DNMT3L: variants seen among roughly 807,000 people sequenced by gnomAD.
DNMT3L encodes DNA (cytosine-5)-methyltransferase 3-like.
In DNMT3L, 33 loss-of-function variants were observed where a neutral mutation model predicts 36.2. The observed-to-expected ratio is 0.91, with a 90% CI of 0.69 to 1.22. The LOEUF (loss-of-function observed/expected upper bound fraction) is 1.22. DNMT3L is among the 50% of genes most tolerant of loss of function. The probability of loss-of-function intolerance (pLI) is 0.00; values close to 1 mark genes in which losing one functional copy is unlikely to be tolerated. For missense variants in DNMT3L, 310 were observed against 303.1 expected (o/e 1.02, Z -0.17); for synonymous variants, 117 against 121.7 (o/e 0.96, Z 0.26).
At position 44,261,144 on chromosome 21, in the gene DNMT3L, G is replaced by A. The variant is rs2040314064; in HGVS notation, c.106+10C>T. The A allele has an allele frequency of 1.2e-6, 2 of 1,612,390 alleles. No individual in the cohort carries two copies. The highest frequency in any genetic ancestry group is 1.7e-6 in the Non-Finnish European group (2 of 1,179,704). On this transcript the variant is annotated intron_variant, in intron 2 of 11. Transcript: ENST00000628202. ...TAAGTGACTGGTCCAATAAGCAGAT[G>A]AGCCCTCACCTCTGCCTGTCCCGGG...
At chr21:44,259,754 T>C in intron 3 of DNMT3L, 43 bp from the exon 4 acceptor site, 2 of 1,571,752 alleles carry the variant, frequency 1.3e-6, no homozygotes. Flanking sequence ...CCCAGTGCTG[T>C]CAAATACAGC....
rs2040286512 is a variant in DNMT3L, at chr21:44,258,671, T to C, written c.368A>G (p.Asp123Gly). 1 of 1,612,854 alleles carries C rather than the reference T, an allele frequency of 6.2e-7. No homozygotes were observed. Among genetic ancestry groups the C allele is most frequent in the Non-Finnish European group, 8.5e-7 (1 of 1,179,932 alleles). Residue 123 changes from aspartate (D) to glycine (G), a missense_variant, in exon 6 of 12, where the codon GAT (aspartate) becomes GGT (glycine). Physicochemically the swap from Asp to Gly is moderately conservative, Grantham distance 94. Coordinates refer to ENST00000628202, the MANE Select transcript of DNMT3L (RefSeq NM_175867.3). The surrounding 1 kb of genome is among the most constrained non-coding windows in gnomAD (Gnocchi z 6.2). Reference sequence around the variant, plus strand: ...CGAGGTCCCGGGGCCGACCAGGCTATCCACACACTCGAAGCAGTAGCATCT... The same window carrying C: ...CGAGGTCCCGGGGCCGACCAGGCTACCCACACACTCGAAGCAGTAGCATCT... ...CTRCYCFECV[D>G]SLVGPGTSGK... is the part of the protein sequence containing the mutation.
At position 44,260,790 on chromosome 21, in the gene DNMT3L, C is replaced by T. The variant is rs753815562; in HGVS notation, c.151+5G>A. On this transcript the variant is annotated splice_donor_5th_base_variant and intron_variant, in intron 3 of 11. Transcript: ENST00000628202. ...TCTGGTGTGGGCCAGTATGCAAACACTCACCTTCTATATTTCGCTGGTTAG... is the reference window on the plus strand; with the variant it reads ...TCTGGTGTGGGCCAGTATGCAAACATTCACCTTCTATATTTCGCTGGTTAG... 2.5e-6 allele frequency: 4 copies of T among 1,613,246 alleles called. No homozygotes were observed. The highest frequency in any genetic ancestry group is 1.7e-5 in the Admixed American group (1 of 60,020).
At chr21:44,253,724 C>G (rs902574245) in intron 8 of DNMT3L, among the ~76,000 whole-genome samples, 2 of 151,800 alleles carry the variant, frequency 1.3e-5, no homozygotes, top group African/African-American at 4.8e-5. Context: ...ATCTCAAAAA[C>G]AAAAAACAAA....
chr21:44,256,625 A>G (rs551213197), intron 6 of DNMT3L, among the ~76,000 whole-genome samples: 4 of 151,928 alleles, frequency 2.6e-5, no homozygotes, highest in Non-Finnish European at 5.9e-5. Flanking sequence ...GTTTCACCAT[A>G]TTGGCCAGGC....
At chr21:44,260,969 C>T in intron 2 of DNMT3L, 130 bp from the exon 3 acceptor site, 2 of 1,451,736 alleles carry the variant, frequency 1.4e-6, no homozygotes, top group Non-Finnish European at 1.9e-6. Flanking sequence ...CCATCCCGCC[C>T]TCACACCTTA....
In DNMT3L at chr21:44,256,162, T is replaced by A; in HGVS notation, c.517-8A>T. 6.2e-7 allele frequency: 1 copy of A among 1,613,718 alleles called. No homozygotes were observed. The highest frequency in any genetic ancestry group is 1.7e-5 in the Admixed American group (1 of 60,010). The stretch of plus-strand genomic sequence containing the variant: ...CATCTCAAGGGGATTCTCCTATTTA[T>A]TAAAAAACCAAAACAGGACATTGTG... On this transcript the variant is annotated splice_polypyrimidine_tract_variant and splice_region_variant and intron_variant, in intron 6 of 11. Transcript: ENST00000628202.
At chr21:44,256,505 CT>C (rs1252716896) in intron 6 of DNMT3L, among the ~76,000 whole-genome samples, 2 of 147,492 alleles carry the variant, frequency 1.4e-5, no homozygotes, top group Non-Finnish European at 1.5e-5. Context: ...CTCACTGCAA[CT>C]TTCCGCCTCC....
chr21:44,254,833 G>A (rs2040245047), intron 7 of DNMT3L, 128 bp from the exon 8 acceptor site: 2 of 939,374 alleles, frequency 2.1e-6, no homozygotes. Flanking sequence ...TATTTTTGTT[G>A]TTGTTGTTTT....
rs1283642518 is a variant in DNMT3L, at chr21:44,258,937, C to T, written c.345-243G>A. On this transcript the variant is annotated intron_variant, in intron 5 of 11. Coordinates refer to ENST00000628202, the MANE Select transcript of DNMT3L (RefSeq NM_175867.3). The surrounding 1 kb of genome is among the most constrained non-coding windows in gnomAD (Gnocchi z 6.2). ...CACAGGCAATGACAGATCCAAGGAA[C>T]CCCCTAAGCCACCTGTCTGCCCCCA... 5.3e-5 allele frequency among the ~76,000 whole-genome samples: 8 copies of T among 152,096 alleles called. No homozygotes were observed. The highest frequency in any genetic ancestry group is 1.9e-4 in the African/African-American group (8 of 41,404).
At chr21:44,254,758 T>C (rs2040244391) in intron 7 of DNMT3L, 53 bp from the exon 8 acceptor site, 1 of 1,585,788 alleles carries the variant, frequency 6.3e-7, no homozygotes, top group Non-Finnish European at 8.6e-7. Context: ...ATTGTGCCCC[T>C]ACAGGGACTC....
Position 44,258,424 on chromosome 21 carries a change from G to A in DNMT3L, c.516+99C>T. On this transcript the variant is annotated intron_variant, in intron 6 of 11. Transcript: ENST00000628202. This position sits in a 1 kb window ranked among gnomAD's most constrained non-coding sequence, Gnocchi z 6.2. Reference sequence around the variant, plus strand: ...GTTTGCTCCCGAGGCTGCAGCCGTGGTGCCCGTCGGCGCGCCTGCATTCTG... The same window carrying A: ...GTTTGCTCCCGAGGCTGCAGCCGTGATGCCCGTCGGCGCGCCTGCATTCTG... 2 of 1,427,292 alleles carry A rather than the reference G, an allele frequency of 1.4e-6. No individual in the cohort carries two copies. The highest frequency in any genetic ancestry group is 2.9e-5 in the South Asian group (2 of 68,010). The allele number at this position is 1,427,292 out of a possible 1,614,324, so 88.4% of individuals were successfully genotyped here.
Position 44,254,642 on chromosome 21 carries a change from TC to T in DNMT3L, c.667del (p.Asp223MetfsTer6). Reference sequence around the variant, plus strand: ...ATCCTTCCTCACTGTGTCTGTGACATCAACCACATGCTTCAGTTGTCCCGGG... The same window carrying T: ...ATCCTTCCTCACTGTGTCTGTGACATAACCACATGCTTCAGTTGTCCCGGG... ...SDPGQLKHVV[D>X]VTDTVRKDVE... On this transcript the variant is annotated frameshift_variant, in exon 8 of 12. Transcript: ENST00000628202. LOFTEE classifies it high-confidence loss of function. 3.1e-6 allele frequency: 5 copies of T among 1,614,012 alleles called. No homozygotes were observed. Among genetic ancestry groups the T allele is most frequent in the Non-Finnish European group, 4.2e-6 (5 of 1,179,978 alleles).
intron 6 of DNMT3L, among the ~76,000 whole-genome samples, chr21:44,257,699 AATAAAT>A (rs767109900): frequency 0.095 from 11,725 of 123,346 alleles, 1,259 homozygotes; most frequent in East Asian, 0.29. Flanking sequence ...AAAAAAAATA[AATAAAT>A]AAATAAATAA....
chr21:44,256,717 G>C (rs1415547257), intron 6 of DNMT3L, among the ~76,000 whole-genome samples: 1 of 152,062 alleles, frequency 6.6e-6, no homozygotes. Flanking sequence ...GGTGAGCCTC[G>C]GGGCAGGTGA....
At chr21:44,261,291 ATGT>A (rs753513778) in intron 1 of DNMT3L, 25 bp from the exon 2 acceptor site, 21 of 1,605,644 alleles carry the variant, frequency 1.3e-5, no homozygotes, top group Non-Finnish European at 1.6e-5. Flanking sequence ...ACGGACACAG[ATGT>A]GAGAAAGCCG....
rs770721797 is a variant in DNMT3L, at chr21:44,258,301, C to G, written c.516+222G>C. The stretch of plus-strand genomic sequence containing the variant: ...CCCCTCTCCCATCTGCTACCAGGGC[C>G]TCGTTCCTAGGCTTGGAAGCAACAA... On this transcript the variant is annotated intron_variant, in intron 6 of 11. Transcript: ENST00000628202. This position sits in a 1 kb window ranked among gnomAD's most constrained non-coding sequence, Gnocchi z 6.2. Among the ~76,000 whole-genome samples, 1 of 152,246 alleles carries G rather than the reference C, an allele frequency of 6.6e-6. No individual in the cohort carries two copies. Among genetic ancestry groups the G allele is most frequent in the Non-Finnish European group, 1.5e-5 (1 of 68,050 alleles).
chr21:44,253,673 T>C (rs1376576863), intron 8 of DNMT3L, among the ~76,000 whole-genome samples: 4 of 152,022 alleles, frequency 2.6e-5, no homozygotes, highest in African/African-American at 9.7e-5. Context: ...GAGCCCAGAT[T>C]GTGCCACTAC....
Position 44,256,138 on chromosome 21 carries a change from ATC to A in DNMT3L, c.531_532del (p.Glu177AspfsTer20), listed in dbSNP as rs748683020. On this transcript the variant is annotated frameshift_variant, in exon 7 of 12. Transcript: ENST00000628202. LOFTEE classifies it high-confidence loss of function. ...CCTCCACACAGGCACGGTTTCGAAC[ATC>A]TCAAGGGGATTCTCCTATTTATTAA... 167 of 1,613,828 alleles carry A rather than the reference ATC, an allele frequency of 1.0e-4. No individual in the cohort carries two copies. Among genetic ancestry groups the A allele is most frequent in the Non-Finnish European group, 1.2e-4 (143 of 1,180,006 alleles).
Sources: gnomAD v4.1 joint callset for allele counts (sites outside exome capture counted in the v4.1 genomes callset) on GRCh38, gnomAD v4.1.1 for gene constraint, Gnocchi (gnomAD v3.1) non-coding constraint, MANE v1.5 for transcripts, NCBI Gene and HGNC (gene_info 2026-07-23, HGNC 2026-07-21) for gene names.